The following ZNF891 variants were observed in gnomAD, a reference collection of about 807,000 sequenced individuals.
ZNF891 encodes the protein zinc finger protein 891, also known as hCG1646157.
For synonymous variants in ZNF891, 199 were observed against 209.0 expected (o/e 0.95, Z 0.41); for missense variants, 589 against 632.7 (o/e 0.93, Z 0.74).
chr12:133,123,467 G>A (rs927940517), intron 1 of ZNF891, among the ~76,000 whole-genome samples: 1 of 152,188 alleles, frequency 6.6e-6, no homozygotes, highest in Admixed American at 6.5e-5. Flanking sequence ...GCTAATGCCT[G>A]TAATCCCAGC....
Position 133,112,815 on chromosome 12 carries a change from T to C in ZNF891, c.*7469A>G, listed in dbSNP as rs1421317782. ...TTAAAAAATATATTTTCCCCAGCAC[T>C]TTGGGAGGCCGAGACGGGCAGATCA... On this transcript the variant is annotated 3_prime_UTR_variant, in exon 2 of 2. Transcript: ENST00000537226. 6.6e-6 allele frequency: 1 copy of C among 152,154 alleles called. No homozygotes were observed. Among genetic ancestry groups the C allele is most frequent in the African/African-American group, 2.4e-5 (1 of 41,428 alleles). The allele number at this position is 152,154 out of a possible 1,614,324, so 9.4% of individuals were successfully genotyped here.
chr12:133,107,694 GT>G lies in ZNF891; in HGVS notation c.*12589del, dbSNP rs1955643880. ...AGAAAATTACCAAGGTATTCTTCCT[GT>G]TTTGTTCCATGTACGGTGAAAACCG... On this transcript the variant is annotated 3_prime_UTR_variant, in exon 2 of 2. Transcript: ENST00000537226. The G allele has an allele frequency of 6.6e-6, 1 of 152,146 alleles. No homozygotes were observed. The allele number at this position is 152,146 out of a possible 1,614,324, so 9.4% of individuals were successfully genotyped here. A position where few individuals can be genotyped will look rare whatever the true frequency, so the allele number is the denominator to read the frequency against.
chr12:133,129,209 A>C (rs1239851752), intron 1 of ZNF891, among the ~76,000 whole-genome samples: 1 of 152,180 alleles, frequency 6.6e-6, no homozygotes, highest in East Asian at 1.9e-4. Context: ...CTTTTTAAAA[A>C]ATTGAGTCAG....
Position 133,116,604 on chromosome 12 carries a change from G to A in ZNF891, c.*3680C>T, listed in dbSNP as rs1955716408. 1 of 152,120 alleles carries A rather than the reference G, an allele frequency of 6.6e-6. No homozygotes were observed. Among genetic ancestry groups the A allele is most frequent in the Non-Finnish European group, 1.5e-5 (1 of 68,040 alleles). 9.4% of individuals were successfully genotyped at this position (152,120 alleles called of 1,614,324 possible). ...ACTCCCTCTAAATTTTGTTTTCACT[G>A]GTCATAGCCCCTGATCTGGTCTTTT... is the stretch of plus-strand genomic sequence containing the variant. On this transcript the variant is annotated 3_prime_UTR_variant, in exon 2 of 2. Transcript: ENST00000537226.
chr12:133,105,951 C>T lies in ZNF891; in HGVS notation c.*14333G>A, dbSNP rs758545809. The stretch of plus-strand genomic sequence containing the variant: ...CATGAGTGTAAGGACTGTAATAAAA[C>T]ATTCAGTTACCTTTCATTTCTTATT... On this transcript the variant is annotated 3_prime_UTR_variant, in exon 2 of 2. Transcript: ENST00000537226. 1 of 1,614,098 alleles carries T rather than the reference C, an allele frequency of 6.2e-7. No homozygotes were observed. Among genetic ancestry groups the T allele is most frequent in the Non-Finnish European group, 8.5e-7 (1 of 1,180,010 alleles).
Position 133,114,739 on chromosome 12 carries a change from G to C in ZNF891, c.*5545C>G, listed in dbSNP as rs2137612241. 1 of 152,310 alleles carries C rather than the reference G, an allele frequency of 6.6e-6. No homozygotes were observed. Among genetic ancestry groups the C allele is most frequent in the Middle Eastern group, 3.4e-3 (1 of 294 alleles). The allele number at this position is 152,310 out of a possible 1,614,324, so 9.4% of individuals were successfully genotyped here. On this transcript the variant is annotated 3_prime_UTR_variant, in exon 2 of 2. Coordinates refer to ENST00000537226, the MANE Select transcript of ZNF891 (RefSeq NM_001277291.2). Reference sequence around the variant, plus strand: ...GACACAATACCTAAAGGATAAATAGGACAGGTTAAATTAGGGAGACAGTGA... The same window carrying C: ...GACACAATACCTAAAGGATAAATAGCACAGGTTAAATTAGGGAGACAGTGA...
chr12:133,125,563 G>A (rs764496638), intron 1 of ZNF891: 1 of 209,100 alleles, frequency 4.8e-6, no homozygotes, highest in Non-Finnish European at 9.6e-6. Context: ...AAAGGCAGTG[G>A]TGAAAGGTAT....
intron 1 of ZNF891, among the ~76,000 whole-genome samples, chr12:133,128,974 A>G (rs1955846575): frequency 6.6e-6 from 1 of 152,028 alleles, no homozygotes; most frequent in Non-Finnish European, 1.5e-5. Flanking sequence ...AGGAGTAATC[A>G]AGAAAAAAAG....
chr12:133,106,117 A>G lies in ZNF891; in HGVS notation c.*14167T>C, dbSNP rs890839715. ...AATATATATGTAGGAAATGTGGTAA[A>G]GCATTTAGCAGTGGCTCAGAACTCA... is the stretch of plus-strand genomic sequence containing the variant. On this transcript the variant is annotated 3_prime_UTR_variant, in exon 2 of 2. Coordinates refer to ENST00000537226, the MANE Select transcript of ZNF891 (RefSeq NM_001277291.2). The G allele has an allele frequency of 6.2e-7, 1 of 1,614,082 alleles. No homozygotes were observed. The highest frequency in any genetic ancestry group is 8.5e-7 in the Non-Finnish European group (1 of 1,180,038).
rs1346852822 is a variant in ZNF891, at chr12:133,117,401, CA to C, written c.*2882del. ...GCTGCCACACAGTTCTTAGGAAACACAAAACATTATATAGTTCACATATTCT... is the reference window on the plus strand; with the variant it reads ...GCTGCCACACAGTTCTTAGGAAACACAAACATTATATAGTTCACATATTCT... On this transcript the variant is annotated 3_prime_UTR_variant, in exon 2 of 2. Transcript: ENST00000537226. 16 of 152,202 alleles carry C rather than the reference CA, an allele frequency of 1.1e-4. No homozygotes were observed. Among genetic ancestry groups the C allele is most frequent in the African/African-American group, 3.9e-4 (16 of 41,450 alleles). The allele number at this position is 152,202 out of a possible 1,614,324, so 9.4% of individuals were successfully genotyped here. A position where few individuals can be genotyped will look rare whatever the true frequency, so the allele number is the denominator to read the frequency against.
intron 1 of ZNF891, among the ~76,000 whole-genome samples, chr12:133,128,929 C>T (rs984714415): frequency 2.0e-5 from 3 of 151,524 alleles, no homozygotes; most frequent in Non-Finnish European, 4.4e-5. Flanking sequence ...ACCAAATCTA[C>T]ATTTTTGAAA....
chr12:133,109,952 AC>A lies in ZNF891; in HGVS notation c.*10331del, dbSNP rs1955669752. ...GAATATTGGCCGGGCGTGGTGGCAG[AC>A]GCCTGTAGTCCCAGCTGCTTGAGAG... On this transcript the variant is annotated 3_prime_UTR_variant, in exon 2 of 2. Coordinates refer to ENST00000537226, the MANE Select transcript of ZNF891 (RefSeq NM_001277291.2). 1 of 152,198 alleles carries A rather than the reference AC, an allele frequency of 6.6e-6. No individual in the cohort carries two copies. Among genetic ancestry groups the A allele is most frequent in the Non-Finnish European group, 1.5e-5 (1 of 68,026 alleles). The allele number at this position is 152,198 out of a possible 1,614,324, so 9.4% of individuals were successfully genotyped here.
At chr12:133,129,679 T>C (rs1243596642) in intron 1 of ZNF891, among the ~76,000 whole-genome samples, 1 of 152,134 alleles carries the variant, frequency 6.6e-6, no homozygotes, top group Admixed American at 6.6e-5. Context: ...AAAATCTTGT[T>C]AGTATAACGG....
rs923210050 is a variant in ZNF891 at position 133,110,367 on chromosome 12, C to A, written c.*9917G>T. The stretch of plus-strand genomic sequence containing the variant: ...AAGCTGCATGCCTTTATGTATTATT[C>A]TTCAGGAAAAAAAAGTTTTTTAAAA... On this transcript the variant is annotated 3_prime_UTR_variant, in exon 2 of 2. Transcript: ENST00000537226. 1.3e-5 allele frequency: 2 copies of A among 151,928 alleles called. No homozygotes were observed. The highest frequency in any genetic ancestry group is 1.3e-4 in the Admixed American group (2 of 15,262). The allele number at this position is 151,928 out of a possible 1,614,324, so 9.4% of individuals were successfully genotyped here. A position where few individuals can be genotyped will look rare whatever the true frequency, so the allele number is the denominator to read the frequency against.
rs960529285 is a variant in ZNF891, at chr12:133,118,827, C to T, written c.*1457G>A. Reference sequence around the variant, plus strand: ...CATACTTTTTTTCTATGTTCCTCTTCAAATGTGTACATCCAACATAAAACA... The same window carrying T: ...CATACTTTTTTTCTATGTTCCTCTTTAAATGTGTACATCCAACATAAAACA... On this transcript the variant is annotated 3_prime_UTR_variant, in exon 2 of 2. Coordinates refer to ENST00000537226, the MANE Select transcript of ZNF891 (RefSeq NM_001277291.2). 10 of 152,160 alleles carry T rather than the reference C, an allele frequency of 6.6e-5. No individual in the cohort carries two copies. Among genetic ancestry groups the T allele is most frequent in the Admixed American group, 4.6e-4 (7 of 15,278 alleles). 9.4% of individuals were successfully genotyped at this position (152,160 alleles called of 1,614,324 possible). A position where few individuals can be genotyped will look rare whatever the true frequency, so the allele number is the denominator to read the frequency against.
Position 133,121,929 on chromosome 12 carries a change from C to T in ZNF891, c.-11G>A, listed in dbSNP as rs938792524. ...GTCCATAACTGCCATTTTATGAGTACATAAGCCTGCACAGTAGAGTAGAGA... is the reference window on the plus strand; with the variant it reads ...GTCCATAACTGCCATTTTATGAGTATATAAGCCTGCACAGTAGAGTAGAGA... On this transcript the variant is annotated 5_prime_UTR_variant, in exon 2 of 2. It removes an upstream start codon present in the reference 5' UTR. Transcript: ENST00000537226. 12 of 1,524,996 alleles carry T rather than the reference C, an allele frequency of 7.9e-6. No homozygotes were observed. The Admixed American group carries it at 1.4e-4, about 18-fold the overall frequency. The allele number at this position is 1,524,996 out of a possible 1,614,324, so 94.5% of individuals were successfully genotyped here. A position where few individuals can be genotyped will look rare whatever the true frequency, so the allele number is the denominator to read the frequency against.
rs1393588147 is a variant in ZNF891, at chr12:133,105,384, A to C, written c.*14900T>G. 3.2e-6 allele frequency: 3 copies of C among 947,424 alleles called. No individual in the cohort carries two copies. The highest frequency in any genetic ancestry group is 4.6e-6 in the Non-Finnish European group (3 of 651,046). 58.7% of individuals were successfully genotyped at this position (947,424 alleles called of 1,614,324 possible). On this transcript the variant is annotated 3_prime_UTR_variant, in exon 2 of 2. Coordinates refer to ENST00000537226, the MANE Select transcript of ZNF891 (RefSeq NM_001277291.2). Reference sequence around the variant, plus strand: ...GGCATACTACTCAGATTTCAGTCACAGCTGTGAAAGCTGCTATTGATAAGA... The same window carrying C: ...GGCATACTACTCAGATTTCAGTCACCGCTGTGAAAGCTGCTATTGATAAGA...
Position 133,105,703 on chromosome 12 carries a change from C to A in ZNF891, c.*14581G>T, listed in dbSNP as rs1445117265. The A allele has an allele frequency of 6.2e-7, 1 of 1,614,146 alleles. No homozygotes were observed. Among genetic ancestry groups the A allele is most frequent in the East Asian group, 2.2e-5 (1 of 44,872 alleles). Reference sequence around the variant, plus strand: ...AGGGATGTATTAGGAAAGTAACAGTCTCTCATCAAGAAGCCCTGGCTCAAC... The same window carrying A: ...AGGGATGTATTAGGAAAGTAACAGTATCTCATCAAGAAGCCCTGGCTCAAC... On this transcript the variant is annotated 3_prime_UTR_variant, in exon 2 of 2. Transcript: ENST00000537226.
In ZNF891 at chr12:133,128,874, C is replaced by T. The variant is rs1955845614; in HGVS notation, c.-107+1353G>A. Reference sequence around the variant, plus strand: ...AGAGCAAAACTTACTGTAATAGGACCCCCCTCCCCAAAAAAGACCAAAACA... The same window carrying T: ...AGAGCAAAACTTACTGTAATAGGACTCCCCTCCCCAAAAAAGACCAAAACA... On this transcript the variant is annotated intron_variant, in intron 1 of 1. Coordinates refer to ENST00000537226, the MANE Select transcript of ZNF891 (RefSeq NM_001277291.2). Among the ~76,000 whole-genome samples, 22 of 150,458 alleles carry T rather than the reference C, an allele frequency of 1.5e-4. 1 individual carries two copies. Among genetic ancestry groups the T allele is most frequent in the Admixed American group, 1.5e-3 (22 of 15,132 alleles).
Sources: allele counts gnomAD v4.1 joint callset (sites outside exome capture counted in the v4.1 genomes callset), GRCh38; gene constraint gnomAD v4.1.1; transcripts MANE v1.5; gene names NCBI Gene and HGNC (gene_info 2026-07-23, HGNC 2026-07-21).